The following RSL24D1 variants were observed in gnomAD, a reference collection of about 807,000 sequenced individuals.
RSL24D1 encodes ribosomal L24 domain containing 1.
RSL24D1 carries 6 observed loss-of-function variants against 26.2 expected under a neutral mutation model. The observed-to-expected ratio is 0.23, with a 90% CI of 0.13 to 0.45. RSL24D1 has a LOEUF of 0.45. Ranked by LOEUF, RSL24D1 falls within the 20% of genes least tolerant of loss-of-function variation. The pLI, the probability that RSL24D1 is intolerant of heterozygous loss-of-function variation, is 0.99. For missense variants in RSL24D1, 176 were observed against 202.6 expected, an observed-to-expected ratio of 0.87 and a Z score of 0.80; for synonymous variants, 61 against 59.1, an observed-to-expected ratio of 1.03 and a Z score of -0.15.
At chr15:55,185,115 A>AT (rs1368507614) in intron 4 of RSL24D1, among the ~76,000 whole-genome samples, 1 of 152,168 alleles carries the variant, frequency 6.6e-6, no homozygotes, top group East Asian at 1.9e-4. Flanking sequence ...GAATGTTCTT[A>AT]TTTTTAGGTT....
chr15:55,192,661 C>G, intron 2 of RSL24D1, 59 bp downstream of exon 2: 3 of 1,206,464 alleles, frequency 2.5e-6, no homozygotes, highest in Non-Finnish European at 3.7e-6. Context: ...GACATATACC[C>G]TTCAAATACT....
chr15:55,188,855 C>T (rs574092060), intron 3 of RSL24D1, among the ~76,000 whole-genome samples: 6 of 152,254 alleles, frequency 3.9e-5, no homozygotes, highest in Middle Eastern at 6.8e-3. Context: ...ATAATAACAA[C>T]AACAAAGGTC....
At chr15:55,190,904 GACACTT>G (rs1190160457) in intron 3 of RSL24D1, 65 bp downstream of exon 3, 17 of 953,462 alleles carry the variant, frequency 1.8e-5, no homozygotes, top group African/African-American at 3.4e-5. Context: ...ACAACAAACT[GACACTT>G]AAAGTTATAG....
chr15:55,196,764 A>C, intron 1 of RSL24D1, 46 bp downstream of exon 1: 13 of 1,572,396 alleles, frequency 8.3e-6, no homozygotes, highest in African/African-American at 1.4e-5. Context: ...GCGCCCAGGA[A>C]CCGCGGGAGC....
chr15:55,192,628 G>T (rs77714541), intron 2 of RSL24D1, 92 bp downstream of exon 2: 23,898 of 803,264 alleles, frequency 0.03, 494 homozygotes, highest in Non-Finnish European at 0.039. Context: ...TGTTATAGGA[G>T]GCCTTGTTAT....
At chr15:55,191,480 AAAAG>A (rs886623364) in intron 2 of RSL24D1, among the ~76,000 whole-genome samples, 2 of 152,182 alleles carry the variant, frequency 1.3e-5, no homozygotes, top group Admixed American at 6.5e-5. Flanking sequence ...CAGAAAAAAA[AAAAG>A]AGAGAGAAAA....
At chr15:55,191,390 T>C (rs1227562483) in intron 2 of RSL24D1, among the ~76,000 whole-genome samples, 1 of 152,108 alleles carries the variant, frequency 6.6e-6, no homozygotes, top group Non-Finnish European at 1.5e-5. Context: ...CTTTGAATTA[T>C]GTTGAACCAT....
At chr15:55,186,625 C>G (rs946982406) in intron 3 of RSL24D1, among the ~76,000 whole-genome samples, 2 of 152,090 alleles carry the variant, frequency 1.3e-5, no homozygotes, top group African/African-American at 4.8e-5. Context: ...AGGACAAACT[C>G]AGGAAATGTT....
chr15:55,189,193 C>CAAAAAA (rs11320888), intron 3 of RSL24D1, among the ~76,000 whole-genome samples: 12 of 66,494 alleles, frequency 1.8e-4, no homozygotes, highest in Non-Finnish European at 2.0e-4. Flanking sequence ...ACTCCCATCT[C>CAAAAAA]AAAAAAAAAA....
At chr15:55,188,548 G>A (rs1223328893) in intron 3 of RSL24D1, among the ~76,000 whole-genome samples, 1 of 152,224 alleles carries the variant, frequency 6.6e-6, no homozygotes, top group African/African-American at 2.4e-5. Flanking sequence ...GAGACCGTGT[G>A]TGACGTGTTC....
chr15:55,191,091 G>T, intron 2 of RSL24D1, 44 bp from the exon 3 acceptor site: 1 of 1,352,778 alleles, frequency 7.4e-7, no homozygotes, highest in Non-Finnish European at 1.0e-6. Context: ...TTTTAAGAAA[G>T]GTAGAAAGGA....
At chr15:55,193,878 A>G (rs1894326305) in intron 1 of RSL24D1, among the ~76,000 whole-genome samples, 1 of 152,200 alleles carries the variant, frequency 6.6e-6, no homozygotes, top group Non-Finnish European at 1.5e-5. Context: ...TATAAGAACT[A>G]CTAGTCTCCT....
chr15:55,193,149 CAAA>C (rs1191693114), intron 1 of RSL24D1, among the ~76,000 whole-genome samples: 1 of 152,134 alleles, frequency 6.6e-6, no homozygotes, highest in East Asian at 1.9e-4. Context: ...GGATAATTTT[CAAA>C]ATTCACTGTC....
chr15:55,192,837 C>T lies in RSL24D1; in HGVS notation c.82-4G>A, dbSNP rs561414175. ...TAGATTTGCAAAATCTGAACACCTA[C>T]AAGAAAAGTTAAAATATTGAGAAGT... On this transcript the variant is annotated splice_polypyrimidine_tract_variant and splice_region_variant and intron_variant, in intron 1 of 5. Transcript: ENST00000260443. 3 of 1,589,292 alleles carry T rather than the reference C, an allele frequency of 1.9e-6. No individual in the cohort carries two copies. The highest frequency in any genetic ancestry group is 1.7e-5 in the Admixed American group (1 of 59,582).
chr15:55,196,531 A>C, intron 1 of RSL24D1: 1 of 585,880 alleles, frequency 1.7e-6, no homozygotes. Flanking sequence ...CAGACATCCA[A>C]GATTCCTGGT....
chr15:55,184,602 A>G (rs1039408145), intron 4 of RSL24D1, among the ~76,000 whole-genome samples: 1 of 152,318 alleles, frequency 6.6e-6, no homozygotes, highest in South Asian at 2.1e-4. Context: ...TACAAGTTTG[A>G]GGAGTAATAG....
chr15:55,187,791 T>A (rs996959021), intron 3 of RSL24D1, among the ~76,000 whole-genome samples: 1 of 152,036 alleles, frequency 6.6e-6, no homozygotes, highest in East Asian at 1.9e-4. Flanking sequence ...TTGGGTACAA[T>A]GTACACTACT....
At chr15:55,196,196 C>T (rs775277287) in intron 1 of RSL24D1, among the ~76,000 whole-genome samples, 3 of 152,174 alleles carry the variant, frequency 2.0e-5, no homozygotes, top group Non-Finnish European at 4.4e-5. Flanking sequence ...GTCACTTCCT[C>T]AAACAAATGT....
At chr15:55,183,211 T>A (rs1012870937) in intron 5 of RSL24D1, 104 bp downstream of exon 5, 3 of 767,402 alleles carry the variant, frequency 3.9e-6, no homozygotes, top group African/African-American at 1.8e-5. Flanking sequence ...AATCATATCA[T>A]AAATTTACTA....
Sources: allele counts gnomAD v4.1 joint callset (sites outside exome capture counted in the v4.1 genomes callset), GRCh38; gene constraint gnomAD v4.1.1; transcripts MANE v1.5; gene names NCBI Gene and HGNC (gene_info 2026-07-23, HGNC 2026-07-21).